LAMB1: variants seen among roughly 807,000 people sequenced by gnomAD.
The protein encoded by LAMB1 is laminin subunit beta 1.
A neutral mutation model predicts 222.3 loss-of-function variants in LAMB1; 121 were observed. The observed-to-expected ratio is 0.54, with a 90% CI of 0.47 to 0.63. The LOEUF is 0.63. Among genes scored for constraint, LAMB1 ranks in the 30% least tolerant of loss-of-function variants. LAMB1 has a pLI of 0.00. For synonymous variants in LAMB1, 794 were observed against 807.2 expected (o/e 0.98, Z 0.28); for missense variants, 2,172 against 2,240.8 (o/e 0.97, Z 0.62).
intron 24 of LAMB1, among the ~76,000 whole-genome samples, chr7:107,946,294 A>T (rs1233598895): frequency 6.6e-6 from 1 of 152,168 alleles, no homozygotes; most frequent in Non-Finnish European, 1.5e-5. Flanking sequence ...TTTTTCTGAC[A>T]TTCTCTTTTA....
chr7:107,975,437 G>A (rs368689754), intron 10 of LAMB1, 24 bp from the exon 11 acceptor site: 152 of 1,579,180 alleles, frequency 9.6e-5, no homozygotes, highest in Middle Eastern at 5.1e-4. Context: ...AAAGCACCAG[G>A]TTAAAATCAG....
chr7:107,939,818 C>T (rs2116351862), intron 25 of LAMB1, among the ~76,000 whole-genome samples, 171 bp downstream of exon 25: 1 of 152,348 alleles, frequency 6.6e-6, no homozygotes, highest in South Asian at 2.1e-4. Flanking sequence ...AACGTTCACT[C>T]ACCCAAATGC....
intron 13 of LAMB1, among the ~76,000 whole-genome samples, chr7:107,965,823 G>A (rs2033623374): frequency 6.6e-6 from 1 of 151,874 alleles, no homozygotes; most frequent in South Asian, 2.1e-4. Flanking sequence ...CCCAAGGCCG[G>A]GTGCGCAGTG....
At chr7:107,975,989 G>T in intron 9 of LAMB1, 112 bp from the exon 10 acceptor site, 2 of 860,950 alleles carry the variant, frequency 2.3e-6, no homozygotes, top group Non-Finnish European at 3.5e-6. Context: ...AGACAAAATG[G>T]CAGTCAACAA....
Position 107,959,482 on chromosome 7 carries a change from T to C in LAMB1, c.2459-2A>G. The C allele has an allele frequency of 6.2e-7, 1 of 1,613,870 alleles. No homozygotes were observed. Among genetic ancestry groups the C allele is most frequent in the Non-Finnish European group, 8.5e-7 (1 of 1,179,872 alleles). On this transcript the variant is annotated splice_acceptor_variant, in intron 19 of 33. Transcript: ENST00000222399. LOFTEE classifies it high-confidence loss of function. ...ATCCTTGCAGATGGCACTCACAAGCTAAAGAAACAGGCAAACAAGGAACTG... is the reference window on the plus strand; with the variant it reads ...ATCCTTGCAGATGGCACTCACAAGCCAAAGAAACAGGCAAACAAGGAACTG...
At chr7:107,931,604 G>C in intron 28 of LAMB1, 104 bp from the exon 29 acceptor site, 1 of 1,070,960 alleles carries the variant, frequency 9.3e-7, no homozygotes, top group Non-Finnish European at 1.4e-6. Flanking sequence ...CTATGTACTT[G>C]GAATCATATG....
intron 1 of LAMB1, 63 bp from the exon 2 acceptor site, chr7:108,003,034 A>C: frequency 6.9e-7 from 1 of 1,440,488 alleles, no homozygotes; most frequent in South Asian, 1.5e-5. Flanking sequence ...GCGCCCTTCC[A>C]TTTCCTGTCG....
At chr7:107,929,389 T>G (rs2032650877) in intron 30 of LAMB1, 23 bp downstream of exon 30, 2 of 1,601,854 alleles carry the variant, frequency 1.2e-6, no homozygotes, top group Admixed American at 1.7e-5. Flanking sequence ...AATAAGCCCC[T>G]TAGATGCCAT....
chr7:107,934,954 T>C (rs1430503681), intron 27 of LAMB1, among the ~76,000 whole-genome samples: 1 of 150,034 alleles, frequency 6.7e-6, no homozygotes, highest in African/African-American at 2.5e-5. Context: ...TGTTAGCCTG[T>C]AATCCCAGCA....
intron 1 of LAMB1, 29 bp from the exon 2 acceptor site, chr7:108,003,000 G>T: frequency 3.2e-6 from 5 of 1,555,700 alleles, no homozygotes; most frequent in Non-Finnish European, 3.4e-6. Flanking sequence ...GGGGAAAAAA[G>T]GCAAATGTTC....
intron 7 of LAMB1, among the ~76,000 whole-genome samples, chr7:107,983,547 CTTTTTTTTTTTT>C (rs11458116): frequency 1.3e-4 from 14 of 111,142 alleles, no homozygotes; most frequent in African/African-American, 5.0e-4. Context: ...CTCCAAAGCC[CTTTTTTTTTTTT>C]TTTTTTTTTT....
Position 107,975,073 on chromosome 7 carries a change from T to C in LAMB1, c.1395A>G (p.Thr465=). The part of the protein sequence containing the change: ...CKSCACNPLG[T]IPGGNPCDSE... Reference sequence around the variant, plus strand: ...AATCACAAGGATTCCCTCCAGGAATTGTTCCCAGAGGATTGCAAGCACAAG... The same window carrying C: ...AATCACAAGGATTCCCTCCAGGAATCGTTCCCAGAGGATTGCAAGCACAAG... The change falls in exon 12 of 34, where the codon ACA becomes ACG. Residue 465 remains threonine, a synonymous_variant. Transcript: ENST00000222399. 1 of 1,612,078 alleles carries C rather than the reference T, an allele frequency of 6.2e-7. No individual in the cohort carries two copies.
intron 13 of LAMB1, among the ~76,000 whole-genome samples, chr7:107,967,485 T>C (rs1217003432): frequency 6.6e-6 from 1 of 152,208 alleles, no homozygotes; most frequent in Non-Finnish European, 1.5e-5. Context: ...TCTTATGATA[T>C]CAAGCCATGA....
At chr7:107,985,461 C>A (rs1389486640) in intron 7 of LAMB1, among the ~76,000 whole-genome samples, 1 of 151,672 alleles carries the variant, frequency 6.6e-6, no homozygotes, top group Non-Finnish European at 1.5e-5. Context: ...CCCGTCTCTA[C>A]TAAAAATACA....
chr7:108,003,083 A>T (rs2034423134), intron 1 of LAMB1, 28 bp downstream of exon 1: 1 of 1,213,388 alleles, frequency 8.2e-7, no homozygotes, highest in Middle Eastern at 2.9e-4. Flanking sequence ...AAGTGGGGAA[A>T]ATCGTGCAGC....
rs961701397 is a variant in LAMB1 at position 107,941,807 on chromosome 7, C to T, written c.3392-1449G>A. ...CCGAGTAGCTGGGATTACAGGCATG[C>T]GCCACCACACCCGGCTTTTTTTTTT... is the stretch of plus-strand genomic sequence containing the variant. On this transcript the variant is annotated intron_variant, in intron 24 of 33. Transcript: ENST00000222399. 2.1e-4 allele frequency among the ~76,000 whole-genome samples: 27 copies of T among 129,682 alleles called. 1 individual carries two copies. In the East Asian group the frequency reaches 5.6e-3, roughly 27 times the overall value. 85.1% of individuals were successfully genotyped at this position (129,682 alleles called of 152,430 possible).
Position 107,970,230 on chromosome 7 carries a change from T to C in LAMB1, c.1562+2762A>G, listed in dbSNP as rs150135200. 7.1e-3 allele frequency among the ~76,000 whole-genome samples: 1,085 copies of C among 152,254 alleles called. 17 individuals carry two copies. Among genetic ancestry groups the C allele is most frequent in the African/African-American group, 0.025 (1,028 of 41,548 alleles). On this transcript the variant is annotated intron_variant, in intron 13 of 33. Transcript: ENST00000222399. ...GGCCAGGCATGGTGGCTCATGCCTA[T>C]AATCCCAGCACATTGGGAGCCTGAG...
At chr7:107,933,929 C>G (rs2032773322) in intron 27 of LAMB1, among the ~76,000 whole-genome samples, 1 of 152,176 alleles carries the variant, frequency 6.6e-6, no homozygotes, top group African/African-American at 2.4e-5. Flanking sequence ...AGACAAAAAT[C>G]CTTTAGCATG....
At chr7:107,937,008 T>C in intron 26 of LAMB1, 85 bp downstream of exon 26, 1 of 1,161,732 alleles carries the variant, frequency 8.6e-7, no homozygotes, top group Non-Finnish European at 1.2e-6. Context: ...GAAAACTTTT[T>C]TTTTTCCCCA....
Sources: gnomAD v4.1 joint callset for allele counts (sites outside exome capture counted in the v4.1 genomes callset) on GRCh38, gnomAD v4.1.1 for gene constraint, MANE v1.5 for transcripts, NCBI Gene and HGNC (gene_info 2026-07-23, HGNC 2026-07-21) for gene names.